The following ARHGAP25 variants were observed in gnomAD, a reference collection of about 807,000 sequenced individuals.
ARHGAP25 encodes Rho GTPase activating protein 25.
ARHGAP25 carries 34 observed loss-of-function variants against 71.0 expected under a neutral mutation model. That is an observed-to-expected ratio of 0.48 (90% CI 0.36 to 0.64). The LOEUF (loss-of-function observed/expected upper bound fraction) is 0.64, where lower values mean the gene tolerates loss of function less well. Among genes scored for constraint, ARHGAP25 ranks in the 30% least tolerant of loss-of-function variants. The pLI is 0.00. For synonymous variants in ARHGAP25, 282 were observed against 296.5 expected, an observed-to-expected ratio of 0.95 and a Z score of 0.50; for missense variants, 706 against 805.1, an observed-to-expected ratio of 0.88 and a Z score of 1.49.
intron 1 of ARHGAP25, among the ~76,000 whole-genome samples, chr2:68,768,972 T>TTGAATGAA (rs564202850): frequency 2.0e-5 from 3 of 152,132 alleles, no homozygotes; most frequent in East Asian, 1.9e-4. Context: ...GTCCTCAATC[T>TTGAATGAA]TGAATGAATG....
intron 1 of ARHGAP25, chr2:68,774,774 G>A (rs1293125026): frequency 9.8e-7 from 1 of 1,019,524 alleles, no homozygotes; most frequent in African/African-American, 1.7e-5. Flanking sequence ...AGCTTCCGGC[G>A]GCCTCTGCAG....
At chr2:68,766,076 A>G (rs1445853206) in intron 1 of ARHGAP25, among the ~76,000 whole-genome samples, 1 of 152,224 alleles carries the variant, frequency 6.6e-6, no homozygotes, top group African/African-American at 2.4e-5. Flanking sequence ...TAATGCACTT[A>G]TTTATTTATG....
chr2:68,774,307 G>GA (rs1191902004), intron 1 of ARHGAP25, among the ~76,000 whole-genome samples: 2 of 152,172 alleles, frequency 1.3e-5, no homozygotes, highest in East Asian at 3.8e-4. Flanking sequence ...TGGAGGGAAG[G>GA]AAAGGAGAGC....
In ARHGAP25 at chr2:68,813,284, C is replaced by T. The variant is rs566828974; in HGVS notation, c.675-3C>T. 42 of 1,601,368 alleles carry T rather than the reference C, an allele frequency of 2.6e-5. No homozygotes were observed. The highest frequency in any genetic ancestry group is 3.6e-5 in the Non-Finnish European group (42 of 1,176,284). On this transcript the variant is annotated splice_region_variant and splice_polypyrimidine_tract_variant and intron_variant, in intron 5 of 10. Coordinates refer to ENST00000409202, the MANE Select transcript of ARHGAP25 (RefSeq NM_001007231.3). ...TCACAGAGCGTTGCTTATTTTCTTC[C>T]AGAGACACAGATGTGCACACTGTGG...
At chr2:68,800,626 A>G (rs998471379) in intron 4 of ARHGAP25, among the ~76,000 whole-genome samples, 2 of 152,298 alleles carry the variant, frequency 1.3e-5, no homozygotes, top group Non-Finnish European at 2.9e-5. Context: ...TTATTCCATT[A>G]GCTTTAAACT....
intron 2 of ARHGAP25, among the ~76,000 whole-genome samples, chr2:68,724,554 G>A (rs1311573552): frequency 6.6e-6 from 1 of 152,114 alleles, no homozygotes; most frequent in East Asian, 1.9e-4. Flanking sequence ...CACTCTGAGT[G>A]ACAAAAAATA....
chr2:68,787,115 C>G (rs1007113681), intron 3 of ARHGAP25, among the ~76,000 whole-genome samples: 3 of 152,178 alleles, frequency 2.0e-5, no homozygotes, highest in Admixed American at 2.0e-4. Context: ...TTCACTTTCC[C>G]ACATTCTTTC....
At chr2:68,821,395 C>T (rs189481426) in intron 9 of ARHGAP25, among the ~76,000 whole-genome samples, 30 of 152,306 alleles carry the variant, frequency 2.0e-4, no homozygotes, top group African/African-American at 4.8e-4. Context: ...CCGCTGCACC[C>T]AGCCTTTCAG....
intron 2 of ARHGAP25, among the ~76,000 whole-genome samples, chr2:68,727,015 A>G (rs1277712248): frequency 6.6e-6 from 1 of 152,164 alleles, no homozygotes; most frequent in African/African-American, 2.4e-5. Flanking sequence ...GATATAGACT[A>G]TTAAAATCCA....
intron 1 of ARHGAP25, among the ~76,000 whole-genome samples, chr2:68,743,880 G>A (rs749642868): frequency 5.3e-5 from 8 of 152,062 alleles, no homozygotes; most frequent in African/African-American, 1.4e-4. Flanking sequence ...CTAGGCCCAG[G>A]GAAACAAAGC....
chr2:68,714,447 A>G (rs930958459), intron 2 of ARHGAP25, among the ~76,000 whole-genome samples: 4 of 152,102 alleles, frequency 2.6e-5, no homozygotes, highest in Non-Finnish European at 4.4e-5. Context: ...TCCTGGATTC[A>G]CTGATTTGTT....
chr2:68,809,843 T>C (rs1252370353), intron 5 of ARHGAP25, among the ~76,000 whole-genome samples: 1 of 152,188 alleles, frequency 6.6e-6, no homozygotes, highest in Non-Finnish European at 1.5e-5. Flanking sequence ...AGTTGCTGTT[T>C]GGTGAGACTA....
At chr2:68,721,351 A>G (rs1410302568) in intron 2 of ARHGAP25, among the ~76,000 whole-genome samples, 2 of 152,232 alleles carry the variant, frequency 1.3e-5, no homozygotes, top group African/African-American at 4.8e-5. Context: ...TGGATAAAGT[A>G]TGGATTTCTG....
At chr2:68,804,577 T>G (rs1680230057) in intron 4 of ARHGAP25, among the ~76,000 whole-genome samples, 1 of 152,232 alleles carries the variant, frequency 6.6e-6, no homozygotes. Context: ...AGGCAGACAG[T>G]CCATCTGTTA....
At chr2:68,777,094 T>C (rs1337151923) in intron 2 of ARHGAP25, among the ~76,000 whole-genome samples, 1 of 152,154 alleles carries the variant, frequency 6.6e-6, no homozygotes, top group Non-Finnish European at 1.5e-5. Flanking sequence ...CTTCCTTCTC[T>C]TTATAAACAC....
chr2:68,822,086 C>T (rs1429222145), intron 9 of ARHGAP25, among the ~76,000 whole-genome samples: 2 of 151,932 alleles, frequency 1.3e-5, no homozygotes, highest in East Asian at 1.9e-4. Flanking sequence ...ACATAAGGAT[C>T]CTACTTTAGG....
chr2:68,825,220 T>A (rs191511186), intron 10 of ARHGAP25, among the ~76,000 whole-genome samples: 1 of 152,250 alleles, frequency 6.6e-6, no homozygotes, highest in East Asian at 1.9e-4. Context: ...CCCCAGGAGA[T>A]CCTTAATAAG....
chr2:68,782,378 TCTG>T lies in ARHGAP25; in HGVS notation c.349+59_349+61del. On this transcript the variant is annotated intron_variant, in intron 3 of 10. Transcript: ENST00000409202. The stretch of plus-strand genomic sequence containing the variant: ...GCAGAAGTAAAATTCCCATTTTACT[TCTG>T]GACCCTAGAAGTCAAAGCTATATTC... 2.0e-6 allele frequency: 3 copies of T among 1,503,348 alleles called. No homozygotes were observed. The East Asian group carries it at 6.8e-5, about 34-fold the overall frequency. 93.1% of individuals were successfully genotyped at this position (1,503,348 alleles called of 1,614,324 possible).
At chr2:68,764,650 C>T (rs1677018812) in intron 1 of ARHGAP25, among the ~76,000 whole-genome samples, 1 of 152,118 alleles carries the variant, frequency 6.6e-6, no homozygotes, top group Non-Finnish European at 1.5e-5. Flanking sequence ...AAATAACATG[C>T]CCCAGCCAGA....
Sources: gnomAD v4.1 joint callset for allele counts (sites outside exome capture counted in the v4.1 genomes callset) on GRCh38, gnomAD v4.1.1 for gene constraint, MANE v1.5 for transcripts, NCBI Gene and HGNC (gene_info 2026-07-23, HGNC 2026-07-21) for gene names.